Variants in RTN4R observed in about 807,000 individuals in gnomAD.
The protein encoded by RTN4R is reticulon 4 receptor.
RTN4R carries 4 observed loss-of-function variants against 27.7 expected under a neutral mutation model. That is an observed-to-expected ratio of 0.14 (90% CI 0.07 to 0.33). RTN4R has a LOEUF of 0.33. Ranked by LOEUF, RTN4R falls within the 10% of genes least tolerant of loss-of-function variation. The pLI, the probability that RTN4R is intolerant of heterozygous loss-of-function variation, is 1.00. For missense variants in RTN4R, 554 were observed against 671.5 expected (o/e 0.83, Z 1.93); for synonymous variants, 290 against 305.6 (o/e 0.95, Z 0.53).
chr22:20,246,042 G>T (rs889686853), intron 1 of RTN4R, among the ~76,000 whole-genome samples: 3 of 152,188 alleles, frequency 2.0e-5, no homozygotes, highest in Admixed American at 6.5e-5. Flanking sequence ...ACCCTCCCAG[G>T]CCAATTAACA....
intron 1 of RTN4R, among the ~76,000 whole-genome samples, chr22:20,248,729 C>CA (rs1016137949): frequency 3.3e-5 from 5 of 152,110 alleles, no homozygotes; most frequent in Admixed American, 1.3e-4. Flanking sequence ...AGTTAGGAGC[C>CA]ACAGAGGCCT....
rs2051105778 is a variant in RTN4R at position 20,241,588 on chromosome 22, A to G, written c.*123T>C. 4.7e-6 allele frequency: 5 copies of G among 1,060,004 alleles called. No individual in the cohort carries two copies. The highest frequency in any genetic ancestry group is 6.9e-6 in the Non-Finnish European group (5 of 726,182). 65.7% of individuals were successfully genotyped at this position (1,060,004 alleles called of 1,614,324 possible). ...TGGGGGTGGCGGGCGGCAGGCGTCCATCAGGGAGGACCTGGCCTGGCCTGC... is the reference window on the plus strand; with the variant it reads ...TGGGGGTGGCGGGCGGCAGGCGTCCGTCAGGGAGGACCTGGCCTGGCCTGC... On this transcript the variant is annotated 3_prime_UTR_variant, in exon 2 of 2. Transcript: ENST00000043402.
chr22:20,241,694 CT>C lies in RTN4R; in HGVS notation c.*16del. ...CACACACCTGGCTGCTGAGCACGCT[CT>C]TGTGTCCGCTGGGGGTCAGCAGGGC... is the stretch of plus-strand genomic sequence containing the variant. On this transcript the variant is annotated 3_prime_UTR_variant, in exon 2 of 2. Coordinates refer to ENST00000043402, the MANE Select transcript of RTN4R (RefSeq NM_023004.6). The C allele has an allele frequency of 6.5e-7, 1 of 1,549,042 alleles. No homozygotes were observed. Among genetic ancestry groups the C allele is most frequent in the Middle Eastern group, 1.9e-4 (1 of 5,280 alleles).
At chr22:20,258,602 T>C (rs1171252960) in intron 1 of RTN4R, among the ~76,000 whole-genome samples, 2 of 152,118 alleles carry the variant, frequency 1.3e-5, no homozygotes. Flanking sequence ...AGGCAGAAAG[T>C]GAGCCACGGG....
Position 20,242,688 on chromosome 22 carries a change from G to C in RTN4R, c.445C>G (p.Leu149Val). The change falls in exon 2 of 2, where the codon CTG becomes GTG. Residue 149 changes from leucine (L) to valine (V), a missense_variant. Around this residue, in one of 2 missense-constraint regions of RTN4R, gnomAD observed 413 missense variants for 542.3 expected, o/e 0.76. Transcript: ENST00000043402. Reference sequence around the variant, plus strand: ...TGCAGGGCAGCCAGGCCGCGGAACAGCCCCGGGCCCAGCTCCTGCAGGCCG... The same window carrying C: ...TGCAGGGCAGCCAGGCCGCGGAACACCCCCGGGCCCAGCTCCTGCAGGCCG... ...RCGLQELGPGLFRGLAALQYL... is the reference protein window; with the variant it reads ...RCGLQELGPGVFRGLAALQYL... The C allele has an allele frequency of 4.3e-6, 7 of 1,612,478 alleles. No individual in the cohort carries two copies. Among genetic ancestry groups the C allele is most frequent in the Non-Finnish European group, 5.9e-6 (7 of 1,179,682 alleles).
chr22:20,262,479 C>T (rs572495645), intron 1 of RTN4R, among the ~76,000 whole-genome samples: 3 of 152,234 alleles, frequency 2.0e-5, no homozygotes, highest in Non-Finnish European at 2.9e-5. Context: ...ACTGTGGACT[C>T]CCAGCTGGAA....
At chr22:20,249,571 G>T (rs1453739618) in intron 1 of RTN4R, among the ~76,000 whole-genome samples, 1 of 152,160 alleles carries the variant, frequency 6.6e-6, no homozygotes, top group Non-Finnish European at 1.5e-5. Flanking sequence ...GACCCCTGGG[G>T]GTGCACACGA....
chr22:20,243,027 C>T lies in RTN4R; in HGVS notation c.106G>A (p.Glu36Lys), dbSNP rs554021972. Residue 36 changes from glutamate to lysine, a missense_variant, in exon 2 of 2, where the codon GAG (glutamate) becomes AAG (lysine). By Grantham distance (56) the Glu-to-Lys change is moderately conservative. Coordinates refer to ENST00000043402, the MANE Select transcript of RTN4R (RefSeq NM_023004.6). ...GGGCAGCTTGTCGTCACCTTGGGCT[C>T]ATTGTAGCATACGCAGGCACCTGGG... ...PCPGACVCYN[E>K]PKVTTSCPQQ... The T allele has an allele frequency of 6.2e-7, 1 of 1,605,532 alleles. No individual in the cohort carries two copies. Among genetic ancestry groups the T allele is most frequent in the South Asian group, 1.1e-5 (1 of 91,086 alleles).
chr22:20,262,164 G>A (rs930288870), intron 1 of RTN4R, among the ~76,000 whole-genome samples: 4 of 152,224 alleles, frequency 2.6e-5, no homozygotes, highest in Admixed American at 1.3e-4. Flanking sequence ...GGGATGGGTC[G>A]AGGGAAGAGG....
At position 20,241,608 on chromosome 22, in the gene RTN4R, G is replaced by A; in HGVS notation, c.*103C>T. On this transcript the variant is annotated 3_prime_UTR_variant, in exon 2 of 2. Coordinates refer to ENST00000043402, the MANE Select transcript of RTN4R (RefSeq NM_023004.6). ...CGTCCATCAGGGAGGACCTGGCCTGGCCTGCCCCACGGGTCGGCCGCCCGG... is the reference window on the plus strand; with the variant it reads ...CGTCCATCAGGGAGGACCTGGCCTGACCTGCCCCACGGGTCGGCCGCCCGG... The A allele has an allele frequency of 2.3e-6, 3 of 1,331,664 alleles. No homozygotes were observed. The highest frequency in any genetic ancestry group is 3.1e-6 in the Non-Finnish European group (3 of 958,446). 82.5% of individuals were successfully genotyped at this position (1,331,664 alleles called of 1,614,324 possible).
intron 1 of RTN4R, among the ~76,000 whole-genome samples, chr22:20,244,939 G>A (rs557670334): frequency 1.9e-4 from 29 of 152,082 alleles, no homozygotes; most frequent in Middle Eastern, 3.4e-3. Context: ...GGCCACGCCC[G>A]CCACATTACC....
chr22:20,260,030 C>T (rs529088137), intron 1 of RTN4R, among the ~76,000 whole-genome samples: 1 of 152,250 alleles, frequency 6.6e-6, no homozygotes, highest in African/African-American at 2.4e-5. Context: ...TGAAACTGCA[C>T]CAAGGATGAG....
intron 1 of RTN4R, among the ~76,000 whole-genome samples, chr22:20,254,609 A>G (rs2051201805): frequency 1.3e-5 from 2 of 151,828 alleles, no homozygotes; most frequent in South Asian, 4.2e-4. Flanking sequence ...AGACTTCCGG[A>G]ATGATTCTTC....
intron 1 of RTN4R, among the ~76,000 whole-genome samples, chr22:20,256,736 C>T (rs78055866): frequency 0.048 from 7,250 of 152,306 alleles, 266 homozygotes; most frequent in African/African-American, 0.11. Context: ...TCTCCGACCC[C>T]GATCATGGCT....
At position 20,242,141 on chromosome 22, in the gene RTN4R, C is replaced by A. The variant is rs1424227762; in HGVS notation, c.992G>T (p.Gly331Val). 2 of 1,612,220 alleles carry A rather than the reference C, an allele frequency of 1.2e-6. No individual in the cohort carries two copies. The highest frequency in any genetic ancestry group is 2.7e-5 in the African/African-American group (2 of 74,930). Residue 331 changes from glycine (G) to valine (V), a missense_variant, in exon 2 of 2, where the codon GGG (glycine) becomes GTG (valine). Gly to Val is a moderately radical substitution (Grantham distance 109, BLOSUM62 -3). Around this residue, in one of 2 missense-constraint regions of RTN4R, gnomAD observed 413 missense variants for 542.3 expected, o/e 0.76. Transcript: ENST00000043402. ...ATCTGGCTGGCAGCACTTGGGAAGC[C>A]CCAGCGGCTCCTCATCGGTGGCCCT... ...TGRATDEEPL[G>V]LPKCCQPDAA...
intron 1 of RTN4R, among the ~76,000 whole-genome samples, chr22:20,259,984 C>T (rs2051235438): frequency 6.6e-6 from 1 of 152,142 alleles, no homozygotes; most frequent in Admixed American, 6.5e-5. Flanking sequence ...GCATCGGGGA[C>T]TGGACCAGGG....
At chr22:20,259,272 G>A (rs776628501) in intron 1 of RTN4R, among the ~76,000 whole-genome samples, 2 of 152,218 alleles carry the variant, frequency 1.3e-5, no homozygotes, top group Non-Finnish European at 2.9e-5. Context: ...ACGGGTCCTC[G>A]CGGTGACATC....
chr22:20,243,154 C>T (rs899927804), intron 1 of RTN4R, 44 bp from the exon 2 acceptor site: 12 of 1,571,780 alleles, frequency 7.6e-6, no homozygotes, highest in African/African-American at 1.3e-5. Flanking sequence ...GGCAGGGGTA[C>T]TGGAGAAGCT....
chr22:20,262,413 G>A (rs2051253155), intron 1 of RTN4R, among the ~76,000 whole-genome samples: 1 of 152,194 alleles, frequency 6.6e-6, no homozygotes. Context: ...GGGCCAGGCT[G>A]GGGCCTTGGA....
Sources: allele counts gnomAD v4.1 joint callset (sites outside exome capture counted in the v4.1 genomes callset), GRCh38; gene constraint gnomAD v4.1.1; regional missense constraint gnomAD v4.1.1; transcripts MANE v1.5; gene names NCBI Gene and HGNC (gene_info 2026-07-23, HGNC 2026-07-21).